Variants in CNTNAP2 observed in about 807,000 individuals in gnomAD.
CNTNAP2 encodes the protein contactin associated protein 2, also known as contactin-associated protein-like 2.
Under a neutral mutation model 155.2 loss-of-function variants are expected in CNTNAP2, and 98 were observed. The observed-to-expected ratio is 0.63, with a 90% CI of 0.54 to 0.75. The LOEUF is 0.75. Ranked by LOEUF, CNTNAP2 falls within the 30% of genes least tolerant of loss-of-function variation. The pLI is 0.00. For missense variants in CNTNAP2, 1,727 were observed against 1,688.1 expected (o/e 1.02, Z -0.40); for synonymous variants, 651 against 631.2 (o/e 1.03, Z -0.47).
chr7:147,341,090 GTA>G (rs1554471891), intron 9 of CNTNAP2, among the ~76,000 whole-genome samples: 4 of 140,280 alleles, frequency 2.9e-5, no homozygotes, highest in Admixed American at 7.2e-5. Context: ...GTGTGTGTGT[GTA>G]TATATATACA....
intron 3 of CNTNAP2, among the ~76,000 whole-genome samples, chr7:146,847,540 G>A (rs567133347): frequency 6.6e-6 from 1 of 152,284 alleles, no homozygotes; most frequent in East Asian, 1.9e-4. Flanking sequence ...GCAATGTCTG[G>A]AACATATTAA....
intron 15 of CNTNAP2, among the ~76,000 whole-genome samples, chr7:148,066,590 T>C (rs1358059363): frequency 2.0e-5 from 3 of 152,094 alleles, no homozygotes; most frequent in South Asian, 4.2e-4. Context: ...CTCCACCTCC[T>C]GGATTCACGC....
At chr7:147,548,695 G>T (rs1799790522) in intron 11 of CNTNAP2, among the ~76,000 whole-genome samples, 1 of 152,174 alleles carries the variant, frequency 6.6e-6, no homozygotes, top group Non-Finnish European at 1.5e-5. Context: ...CCTATGTCCT[G>T]AATGGTATTG....
At chr7:146,309,657 T>G (rs904217063) in intron 1 of CNTNAP2, among the ~76,000 whole-genome samples, 1 of 151,394 alleles carries the variant, frequency 6.6e-6, no homozygotes, top group Non-Finnish European at 1.5e-5. Context: ...CAAAAATTAA[T>G]CGGGCGTGTT....
At chr7:147,752,995 A>G (rs1206166364) in intron 13 of CNTNAP2, among the ~76,000 whole-genome samples, 1 of 152,200 alleles carries the variant, frequency 6.6e-6, no homozygotes, top group Non-Finnish European at 1.5e-5. Context: ...TTTAGCTACT[A>G]TGATAAATGT....
chr7:148,413,991 C>CTTT (rs1799916093), intron 23 of CNTNAP2, among the ~76,000 whole-genome samples: 1 of 151,916 alleles, frequency 6.6e-6, no homozygotes, highest in African/African-American at 2.4e-5. Context: ...ACTGTCTCTA[C>CTTT]TTTTTAATTG....
intron 10 of CNTNAP2, among the ~76,000 whole-genome samples, chr7:147,467,458 C>G (rs898122651): frequency 6.6e-6 from 1 of 152,116 alleles, no homozygotes; most frequent in African/African-American, 2.4e-5. Context: ...ACCACATGAA[C>G]TCACTTATAA....
chr7:147,622,890 A>G (rs796996694), intron 12 of CNTNAP2, among the ~76,000 whole-genome samples: 5 of 152,176 alleles, frequency 3.3e-5, no homozygotes, highest in African/African-American at 1.2e-4. Flanking sequence ...CAGACTAGGA[A>G]AAAAAGATCC....
At chr7:146,474,903 A>G (rs1796851760) in intron 1 of CNTNAP2, among the ~76,000 whole-genome samples, 1 of 152,142 alleles carries the variant, frequency 6.6e-6, no homozygotes, top group Non-Finnish European at 1.5e-5. Flanking sequence ...CTTAACTGCC[A>G]CCAGCTTAGG....
chr7:146,252,384 C>T (rs1036069085), intron 1 of CNTNAP2, among the ~76,000 whole-genome samples: 4 of 152,174 alleles, frequency 2.6e-5, no homozygotes, highest in African/African-American at 9.7e-5. Context: ...CAGTTTCCTA[C>T]TGGACAGAGA....
chr7:147,732,943 C>T (rs879100728), intron 13 of CNTNAP2, among the ~76,000 whole-genome samples: 12 of 152,318 alleles, frequency 7.9e-5, no homozygotes, highest in African/African-American at 2.9e-4. Flanking sequence ...AACCCTTTGT[C>T]AGATGAGTGG....
At chr7:146,668,278 T>C (rs547460986) in intron 1 of CNTNAP2, among the ~76,000 whole-genome samples, 6 of 152,300 alleles carry the variant, frequency 3.9e-5, no homozygotes, top group East Asian at 3.9e-4. Flanking sequence ...GTTTATTGAT[T>C]TGTGTATATT....
At chr7:147,865,308 A>G (rs1456615083) in intron 13 of CNTNAP2, among the ~76,000 whole-genome samples, 39 of 152,218 alleles carry the variant, frequency 2.6e-4, no homozygotes, top group African/African-American at 8.9e-4. Context: ...GCTTTTTGAT[A>G]TGCTGCTGGA....
chr7:146,934,129 G>A (rs1171613034), intron 3 of CNTNAP2, among the ~76,000 whole-genome samples: 1 of 151,942 alleles, frequency 6.6e-6, no homozygotes, highest in Non-Finnish European at 1.5e-5. Flanking sequence ...CTGCTATAAA[G>A]ACACATGCAC....
chr7:148,006,133 T>C (rs1450309774), intron 15 of CNTNAP2, among the ~76,000 whole-genome samples: 1 of 151,924 alleles, frequency 6.6e-6, no homozygotes, highest in East Asian at 2.0e-4. Context: ...ATCTAAGTCA[T>C]ACTCTATGAG....
chr7:146,558,861 G>A (rs532061177), intron 1 of CNTNAP2, among the ~76,000 whole-genome samples: 6 of 152,254 alleles, frequency 3.9e-5, no homozygotes, highest in South Asian at 2.1e-4. Context: ...TATTTGTTCC[G>A]TGTCTGGCTT....
chr7:146,273,406 C>A (rs1800115667), intron 1 of CNTNAP2, among the ~76,000 whole-genome samples: 1 of 152,094 alleles, frequency 6.6e-6, no homozygotes, highest in African/African-American at 2.4e-5. Flanking sequence ...GAAGTGCCAG[C>A]TAGTAAGTAT....
intron 13 of CNTNAP2, among the ~76,000 whole-genome samples, chr7:147,660,062 G>A (rs1380277679): frequency 6.6e-6 from 1 of 152,148 alleles, no homozygotes; most frequent in Non-Finnish European, 1.5e-5. Context: ...CCACTCGTGT[G>A]AAAAATATGC....
chr7:147,461,756 A>G (rs1017158281), intron 10 of CNTNAP2, among the ~76,000 whole-genome samples: 1 of 152,180 alleles, frequency 6.6e-6, no homozygotes, highest in Non-Finnish European at 1.5e-5. Flanking sequence ...TAACAATTTT[A>G]TAATATGCAT....
Sources: gnomAD v4.1 joint callset for allele counts (sites outside exome capture counted in the v4.1 genomes callset) on GRCh38, gnomAD v4.1.1 for gene constraint, MANE v1.5 for transcripts, NCBI Gene and HGNC (gene_info 2026-07-23, HGNC 2026-07-21) for gene names.